The following ZNF736 variants were observed in gnomAD, a reference collection of about 807,000 sequenced individuals.
ZNF736 encodes zinc finger protein 736.
In ZNF736, 6 loss-of-function variants were observed where a neutral mutation model predicts 11.7. That is an observed-to-expected ratio of 0.51 (90% confidence interval 0.28 to 1.01). The LOEUF is 1.01. ZNF736 is among the 50% of genes least tolerant of loss of function. ZNF736 has a pLI of 0.09. For missense variants in ZNF736, 444 were observed against 496.0 expected (o/e 0.90, Z 1.00); for synonymous variants, 139 against 164.7 (o/e 0.84, Z 1.19).
chr7:64,327,039 T>C (rs1436264278), intron 1 of ZNF736, among the ~76,000 whole-genome samples: 1 of 152,216 alleles, frequency 6.6e-6, no homozygotes, highest in African/African-American at 2.4e-5. Context: ...GATGAAATGC[T>C]TTGTAAATTT....
chr7:64,348,974 T>C lies in ZNF736; in HGVS notation c.1111T>C (p.Cys371Arg). The C allele has an allele frequency of 6.3e-7, 1 of 1,589,758 alleles. No individual in the cohort carries two copies. Among genetic ancestry groups the C allele is most frequent in the South Asian group, 1.1e-5 (1 of 88,294 alleles). Reference sequence around the variant, plus strand: ...TCATATGGAAGAGAGACCTTACAAATGTGAAGAATGCAGCAAAACCTTTAA... The same window carrying C: ...TCATATGGAAGAGAGACCTTACAAACGTGAAGAATGCAGCAAAACCTTTAA... ...RIHMEERPYK[C>R]EECSKTFKCF... The change falls in exon 4 of 4, where the codon TGT becomes CGT. Residue 371 changes from cysteine to arginine, a missense_variant. By Grantham distance (180) the Cys-to-Arg change is radical (BLOSUM62 -3). Transcript: ENST00000423484.
chr7:64,336,894 T>C lies in ZNF736; in HGVS notation c.138T>C (p.Ala46=), dbSNP rs1470247843. Residue 46 remains alanine, a synonymous_variant, in exon 3 of 4, where the codon GCT becomes GCC. Transcript: ENST00000423484. ...NYGNLVSLGL[A]IFKPDLMTCL... ...TTTTTTCTAATAAAACAGGTCTTGC[T>C]ATCTTTAAGCCAGACTTGATGACCT... The C allele has an allele frequency of 6.3e-7, 1 of 1,591,986 alleles. No individual in the cohort carries two copies. The highest frequency in any genetic ancestry group is 8.6e-7 in the Non-Finnish European group (1 of 1,168,652).
chr7:64,337,651 A>T (rs990025567), intron 3 of ZNF736, among the ~76,000 whole-genome samples: 1 of 152,092 alleles, frequency 6.6e-6, no homozygotes, highest in African/African-American at 2.4e-5. Context: ...TATGTATTAT[A>T]GTTCATTGTA....
intron 3 of ZNF736, among the ~76,000 whole-genome samples, chr7:64,344,776 A>G (rs1239248461): frequency 6.6e-6 from 1 of 152,092 alleles, no homozygotes; most frequent in African/African-American, 2.4e-5. Context: ...ACTTGACCAT[A>G]TATTCAAGAG....
At chr7:64,345,732 TA>T (rs60388880) in intron 3 of ZNF736, among the ~76,000 whole-genome samples, 6,496 of 82,760 alleles carry the variant, frequency 0.078, 293 homozygotes, top group Admixed American at 0.22. Context: ...TACTCCATCT[TA>T]AAAAAAAAAA....
chr7:64,332,958 A>G (rs1260962380), intron 1 of ZNF736, among the ~76,000 whole-genome samples: 1 of 152,174 alleles, frequency 6.6e-6, no homozygotes, highest in Non-Finnish European at 1.5e-5. Flanking sequence ...CAATGATTTC[A>G]TATTGTTTAA....
At position 64,348,075 on chromosome 7, in the gene ZNF736, AT is replaced by A; in HGVS notation, c.227-7del. The stretch of plus-strand genomic sequence containing the variant: ...CCTGAGTCTAATGAGGGAGAATTTT[AT>A]TTTTTTTCTCCAGCTGGTTCTTTTC... On this transcript the variant is annotated splice_polypyrimidine_tract_variant and intron_variant, in intron 3 of 3. Transcript: ENST00000423484. 2.7e-6 allele frequency: 4 copies of A among 1,471,684 alleles called. No homozygotes were observed. The highest frequency in any genetic ancestry group is 1.4e-5 in the South Asian group (1 of 69,732). 91.2% of individuals were successfully genotyped at this position (1,471,684 alleles called of 1,614,324 possible).
At chr7:64,346,629 C>T (rs1037226570) in intron 3 of ZNF736, among the ~76,000 whole-genome samples, 9 of 151,998 alleles carry the variant, frequency 5.9e-5, no homozygotes, top group Non-Finnish European at 8.8e-5. Flanking sequence ...TTCTTGTCTG[C>T]GACTTTTAAA....
intron 1 of ZNF736, among the ~76,000 whole-genome samples, chr7:64,335,590 G>C (rs1403078746): frequency 2.0e-5 from 3 of 152,042 alleles, no homozygotes; most frequent in Admixed American, 6.6e-5. Flanking sequence ...AGATACCTTG[G>C]GGAGTTTATC....
intron 1 of ZNF736, among the ~76,000 whole-genome samples, chr7:64,330,873 A>C (rs1172749743): frequency 2.0e-5 from 3 of 151,076 alleles, no homozygotes. Flanking sequence ...TAGGAGCCTC[A>C]GGGCTTTTTC....
Position 64,349,505 on chromosome 7 carries a change from T to G in ZNF736, c.*358T>G, listed in dbSNP as rs1789458157. The G allele has an allele frequency of 5.8e-6, 1 of 172,292 alleles. No individual in the cohort carries two copies. Among genetic ancestry groups the G allele is most frequent in the Non-Finnish European group, 1.2e-5 (1 of 81,148 alleles). 10.7% of individuals were successfully genotyped at this position (172,292 alleles called of 1,614,324 possible). A position where few individuals can be genotyped will look rare whatever the true frequency, so the allele number is the denominator to read the frequency against. ...TTGATTAAAGCATACCATTAGATCT[T>G]GATTCTTTTTTCAGCTTGCCATCTG... On this transcript the variant is annotated 3_prime_UTR_variant, in exon 4 of 4. Transcript: ENST00000423484.
intron 1 of ZNF736, among the ~76,000 whole-genome samples, chr7:64,314,614 C>T (rs375374791): frequency 9.9e-5 from 15 of 152,208 alleles, no homozygotes; most frequent in East Asian, 7.7e-4. Flanking sequence ...CACTCTGTTG[C>T]CCAGGCTAAA....
At chr7:64,314,613 G>T (rs1319164573) in intron 1 of ZNF736, among the ~76,000 whole-genome samples, 2 of 151,900 alleles carry the variant, frequency 1.3e-5, no homozygotes, top group African/African-American at 2.4e-5. Flanking sequence ...TCACTCTGTT[G>T]CCCAGGCTAA....
chr7:64,314,031 T>C lies in ZNF736; in HGVS notation c.-120T>C. The stretch of plus-strand genomic sequence containing the variant: ...CTCTGATCCTAGTTCGCGTCTCCAC[T>C]GTTCCATCTCCTCCGTTCCTGGAGT... On this transcript the variant is annotated 5_prime_UTR_variant, in exon 1 of 4. Transcript: ENST00000423484. The C allele has an allele frequency of 7.1e-7, 1 of 1,408,154 alleles. No individual in the cohort carries two copies. Among genetic ancestry groups the C allele is most frequent in the South Asian group, 1.2e-5 (1 of 81,150 alleles). The allele number at this position is 1,408,154 out of a possible 1,614,324, so 87.2% of individuals were successfully genotyped here. A position where few individuals can be genotyped will look rare whatever the true frequency, so the allele number is the denominator to read the frequency against.
In ZNF736 at chr7:64,345,960, A is replaced by G. The variant is rs1789405178; in HGVS notation, c.227-2130A>G. Among the ~76,000 whole-genome samples the G allele has an allele frequency of 3.9e-5, 6 of 152,104 alleles. No homozygotes were observed. The South Asian group carries it at 1.0e-3, about 26-fold the overall frequency. On this transcript the variant is annotated intron_variant, in intron 3 of 3. Transcript: ENST00000423484. ...AAAGAATGTGTATTCTGCTGTCTGT[A>G]TACATTTGTTAGGTGTAATTATTTT...
intron 3 of ZNF736, among the ~76,000 whole-genome samples, chr7:64,339,128 A>G (rs1789300223): frequency 2.6e-5 from 4 of 152,124 alleles, no homozygotes; most frequent in Admixed American, 2.6e-4. Context: ...TTTCATTTGT[A>G]AACATTTATT....
At chr7:64,329,024 A>C (rs528723615) in intron 1 of ZNF736, among the ~76,000 whole-genome samples, 11 of 150,306 alleles carry the variant, frequency 7.3e-5, no homozygotes, top group African/African-American at 2.7e-4. Flanking sequence ...ACTAATTCTT[A>C]TGCTTGATCA....
rs1789546221 is a variant in ZNF736, at chr7:64,355,799, C to G, written c.*6652C>G. The G allele has an allele frequency of 6.0e-6, 1 of 167,090 alleles. No homozygotes were observed. The highest frequency in any genetic ancestry group is 2.4e-5 in the African/African-American group (1 of 41,836). 10.4% of individuals were successfully genotyped at this position (167,090 alleles called of 1,614,324 possible). On this transcript the variant is annotated 3_prime_UTR_variant, in exon 4 of 4. Coordinates refer to ENST00000423484, the MANE Select transcript of ZNF736 (RefSeq NM_001170905.3). Reference sequence around the variant, plus strand: ...ATAACCCAAGGAGATTTTATTTCTGCCCTGCTTTCCTGGGCTCTCAGAAGT... The same window carrying G: ...ATAACCCAAGGAGATTTTATTTCTGGCCTGCTTTCCTGGGCTCTCAGAAGT...
At chr7:64,317,887 C>T (rs867755625) in intron 1 of ZNF736, among the ~76,000 whole-genome samples, 7 of 151,792 alleles carry the variant, frequency 4.6e-5, no homozygotes, top group Admixed American at 2.0e-4. Context: ...ATTGCCGTTT[C>T]TTTAAGAAAA....
Sources: allele counts gnomAD v4.1 joint callset (sites outside exome capture counted in the v4.1 genomes callset), GRCh38; gene constraint gnomAD v4.1.1; transcripts MANE v1.5; gene names NCBI Gene and HGNC (gene_info 2026-07-23, HGNC 2026-07-21).